The following B3GALT1 variants were observed in gnomAD, a reference collection of about 807,000 sequenced individuals.
The protein encoded by B3GALT1 is beta-1,3-galactosyltransferase 1, also known as UDP-Gal:betaGlcNAc beta 1,3-galactosyltransferase, polypeptide 1.
B3GALT1 carries 10 observed loss-of-function variants against 23.2 expected under a neutral mutation model. The ratio of observed to expected loss-of-function variants is 0.43; its 90% CI spans 0.27 to 0.73. The LOEUF (loss-of-function observed/expected upper bound fraction) is 0.73. Among genes scored for constraint, B3GALT1 ranks in the 30% least tolerant of loss-of-function variants. B3GALT1 has a pLI of 0.21. For synonymous variants in B3GALT1, 156 were observed against 141.5 expected (o/e 1.10, Z -0.73); for missense variants, 299 against 405.4 (o/e 0.74, Z 2.25).
chr2:167,749,515 G>A (rs62195004), intron 3 of B3GALT1, among the ~76,000 whole-genome samples: 159 of 152,248 alleles, frequency 1.0e-3, no homozygotes, highest in Non-Finnish European at 1.8e-3. Context: ...GTGAGGCTTC[G>A]TTCATCCAAT....
At chr2:167,451,042 G>C (rs969587967) in intron 1 of B3GALT1, among the ~76,000 whole-genome samples, 4 of 151,840 alleles carry the variant, frequency 2.6e-5, no homozygotes, top group Non-Finnish European at 5.9e-5. Flanking sequence ...TTTTCCTGAA[G>C]TTGTGATTGT....
At chr2:167,355,491 A>G (rs1220013404) in intron 1 of B3GALT1, among the ~76,000 whole-genome samples, 1 of 152,232 alleles carries the variant, frequency 6.6e-6, no homozygotes, top group Non-Finnish European at 1.5e-5. Flanking sequence ...TGCAGGATCA[A>G]TAATTACAGT....
intron 3 of B3GALT1, among the ~76,000 whole-genome samples, chr2:167,756,338 A>T (rs993467094): frequency 2.0e-4 from 30 of 152,196 alleles, no homozygotes; most frequent in Non-Finnish European, 3.2e-4. Context: ...AGCCAAAGGG[A>T]CAAACATTTG....
chr2:167,595,146 G>C (rs971985009), intron 2 of B3GALT1, among the ~76,000 whole-genome samples: 2 of 152,120 alleles, frequency 1.3e-5, no homozygotes, highest in East Asian at 1.9e-4. Flanking sequence ...CAGCAGGCTG[G>C]TGTGACACTT....
intron 2 of B3GALT1, among the ~76,000 whole-genome samples, chr2:167,524,752 G>A (rs1436074385): frequency 3.9e-5 from 6 of 152,170 alleles, no homozygotes; most frequent in African/African-American, 1.4e-4. Flanking sequence ...TTGCAAGAGA[G>A]AGGCAGAGAG....
At chr2:167,517,605 G>C (rs1031757267) in intron 2 of B3GALT1, among the ~76,000 whole-genome samples, 1 of 151,942 alleles carries the variant, frequency 6.6e-6, no homozygotes, top group African/African-American at 2.4e-5. Flanking sequence ...CAGTGGTCCA[G>C]AAACAACCCA....
At chr2:167,500,888 T>C (rs1000958643) in intron 2 of B3GALT1, among the ~76,000 whole-genome samples, 1 of 152,168 alleles carries the variant, frequency 6.6e-6, no homozygotes, top group Non-Finnish European at 1.5e-5. Context: ...TAATAACCTT[T>C]GATTGTTAGA....
intron 1 of B3GALT1, among the ~76,000 whole-genome samples, chr2:167,412,418 ACAAT>A (rs1311866345): frequency 1.3e-5 from 2 of 152,208 alleles, no homozygotes; most frequent in Admixed American, 1.3e-4. Context: ...TCAAATGCAG[ACAAT>A]CAAATAGAGA....
intron 1 of B3GALT1, among the ~76,000 whole-genome samples, chr2:167,401,370 T>C (rs1291965118): frequency 6.6e-6 from 1 of 152,088 alleles, no homozygotes; most frequent in Non-Finnish European, 1.5e-5. Flanking sequence ...TGAAACTGAC[T>C]CTCTCAATGG....
At chr2:167,844,802 G>T (rs1689721816) in intron 4 of B3GALT1, among the ~76,000 whole-genome samples, 1 of 152,180 alleles carries the variant, frequency 6.6e-6, no homozygotes, top group African/African-American at 2.4e-5. Context: ...GGCAGGAAAA[G>T]AACCAAGCCT....
intron 2 of B3GALT1, among the ~76,000 whole-genome samples, chr2:167,641,918 G>A (rs1294595692): frequency 2.0e-5 from 3 of 152,148 alleles, no homozygotes; most frequent in Admixed American, 1.3e-4. Flanking sequence ...ATAGCCAAGT[G>A]CCTTCTCAAC....
intron 3 of B3GALT1, among the ~76,000 whole-genome samples, chr2:167,688,262 G>A (rs753027757): frequency 2.6e-5 from 4 of 151,980 alleles, no homozygotes; most frequent in Non-Finnish European, 5.9e-5. Context: ...ACCATTGTCA[G>A]ACCAAAATAT....
At chr2:167,596,192 A>G (rs943270564) in intron 2 of B3GALT1, among the ~76,000 whole-genome samples, 2 of 152,260 alleles carry the variant, frequency 1.3e-5, no homozygotes, top group Non-Finnish European at 2.9e-5. Context: ...TGAGAGAAAT[A>G]GAATGAGAAC....
chr2:167,821,577 G>A (rs1470098059), intron 4 of B3GALT1, among the ~76,000 whole-genome samples: 1 of 151,790 alleles, frequency 6.6e-6, no homozygotes, highest in Non-Finnish European at 1.5e-5. Context: ...TGGAATTACA[G>A]GCATGTGCCA....
At chr2:167,638,581 G>C (rs1044504496) in intron 2 of B3GALT1, among the ~76,000 whole-genome samples, 2 of 151,992 alleles carry the variant, frequency 1.3e-5, no homozygotes, top group Non-Finnish European at 2.9e-5. Flanking sequence ...TTAGAGCTCA[G>C]AATAGGAAAT....
chr2:167,379,363 GGA>G (rs1222709517), intron 1 of B3GALT1, among the ~76,000 whole-genome samples: 4 of 151,996 alleles, frequency 2.6e-5, no homozygotes, highest in African/African-American at 7.2e-5. Context: ...ATTTGGGTGG[GGA>G]TACAAAGCCT....
intron 3 of B3GALT1, among the ~76,000 whole-genome samples, chr2:167,806,378 G>T (rs1473272382): frequency 1.3e-5 from 2 of 152,190 alleles, no homozygotes; most frequent in African/African-American, 2.4e-5. Context: ...GAATAGGAGT[G>T]GTGAGAGAGG....
rs533793635 is a variant in B3GALT1, at chr2:167,806,529, G to C, written c.-351-12143G>C. Among the ~76,000 whole-genome samples, 11 of 152,208 alleles carry C rather than the reference G, an allele frequency of 7.2e-5. 1 individual carries two copies. The highest frequency in any genetic ancestry group is 6.2e-4 in the South Asian group (3 of 4,816). ...CTTATTGAGAGTTTTTAGCATGAAG[G>C]GCTGTTGAATTTTGTCAAAGGCCTT... On this transcript the variant is annotated intron_variant, in intron 3 of 4. Transcript: ENST00000392690.
chr2:167,694,922 C>A (rs1412219311), intron 3 of B3GALT1, among the ~76,000 whole-genome samples: 2 of 152,182 alleles, frequency 1.3e-5, no homozygotes, highest in East Asian at 3.9e-4. Context: ...TTTTAAATTT[C>A]TTTGCTTAGA....
Sources: allele counts gnomAD v4.1 joint callset (sites outside exome capture counted in the v4.1 genomes callset), GRCh38; gene constraint gnomAD v4.1.1; transcripts MANE v1.5; gene names NCBI Gene and HGNC (gene_info 2026-07-23, HGNC 2026-07-21).